Variants in USP33 observed in about 807,000 individuals in gnomAD.
USP33 encodes the protein ubiquitin specific peptidase 33, also known as ubiquitin carboxyl-terminal hydrolase 33.
Under a neutral mutation model 124.2 loss-of-function variants are expected in USP33, and 46 were observed. The observed-to-expected ratio is 0.37, with a 90% CI of 0.29 to 0.47. USP33 has a LOEUF of 0.47. Ranked by LOEUF, USP33 falls within the 20% of genes least tolerant of loss-of-function variation. The pLI is 0.99. For missense variants in USP33, 851 were observed against 1,070.6 expected (o/e 0.79, Z 2.86); for synonymous variants, 350 against 352.3 (o/e 0.99, Z 0.07).
chr1:77,699,481 C>T lies in USP33; in HGVS notation c.2510-1550G>A, dbSNP rs892965918. Among the ~76,000 whole-genome samples, 5 of 152,152 alleles carry T rather than the reference C, an allele frequency of 3.3e-5. No homozygotes were observed. In the East Asian group the frequency reaches 9.6e-4, roughly 29 times the overall value. On this transcript the variant is annotated intron_variant, in intron 22 of 23. Transcript: ENST00000370794. ...GCAATGAGCTGAGATCACGCCACTC[C>T]ACTCCAGCCTGAGTGACAAAGTGAG...
At chr1:77,713,088 A>C in intron 20 of USP33, 112 bp downstream of exon 20, 1 of 815,642 alleles carries the variant, frequency 1.2e-6, no homozygotes, top group Non-Finnish European at 1.9e-6. Context: ...TGAATAAGTA[A>C]GGGAAAAGAA....
rs771069637 is a variant in USP33, at chr1:77,741,337, T to C, written c.135+39A>G. ...TGATTATTCAGATCCAAATTTATTATTATTATAGCAATCTTTTCAGGAAAA... is the reference window on the plus strand; with the variant it reads ...TGATTATTCAGATCCAAATTTATTACTATTATAGCAATCTTTTCAGGAAAA... On this transcript the variant is annotated intron_variant, in intron 3 of 23. Transcript: ENST00000370794. 10 of 1,553,906 alleles carry C rather than the reference T, an allele frequency of 6.4e-6. No individual in the cohort carries two copies. In the East Asian group the frequency reaches 1.6e-4, roughly 25 times the overall value.
intron 20 of USP33, 71 bp downstream of exon 20, chr1:77,713,129 A>G: frequency 7.9e-7 from 1 of 1,267,702 alleles, no homozygotes; most frequent in Non-Finnish European, 1.1e-6. Context: ...CATCTCTGAA[A>G]TAATCCAAAC....
chr1:77,757,369 G>C (rs1459635471), intron 1 of USP33, among the ~76,000 whole-genome samples: 4 of 152,154 alleles, frequency 2.6e-5, no homozygotes, highest in Non-Finnish European at 4.4e-5. Context: ...CTGAACATTT[G>C]ACAGCATGAT....
chr1:77,707,590 G>A (rs1674769168), intron 21 of USP33, among the ~76,000 whole-genome samples: 1 of 152,018 alleles, frequency 6.6e-6, no homozygotes, highest in South Asian at 2.1e-4. Flanking sequence ...ACCCACTATA[G>A]GCACCATTTA....
At chr1:77,713,403 G>A in intron 19 of USP33, 122 bp from the exon 20 acceptor site, 1 of 811,644 alleles carries the variant, frequency 1.2e-6, no homozygotes. Flanking sequence ...TTTTTAAGTG[G>A]AAGGGTCTTG....
At chr1:77,746,690 T>C (rs1679776710) in intron 1 of USP33, 1 of 152,222 alleles carries the variant, frequency 6.6e-6, no homozygotes, top group African/African-American at 2.4e-5. Context: ...CACGATCAAG[T>C]TGGCTTCATC....
intron 21 of USP33, among the ~76,000 whole-genome samples, chr1:77,710,588 T>C (rs1675132519): frequency 6.6e-6 from 1 of 152,164 alleles, no homozygotes; most frequent in South Asian, 2.1e-4. Flanking sequence ...TTATGTAAAA[T>C]TTACTTTACT....
At chr1:77,741,890 A>G in intron 1 of USP33, 142 bp from the exon 2 acceptor site, 1 of 801,600 alleles carries the variant, frequency 1.2e-6, no homozygotes. Context: ...TTGCCCTGTA[A>G]AAAGAGTGTA....
chr1:77,754,449 A>G (rs1291064481), intron 1 of USP33, among the ~76,000 whole-genome samples: 1 of 152,218 alleles, frequency 6.6e-6, no homozygotes. Context: ...AACAAGCAGA[A>G]AAGTTTATTT....
chr1:77,756,793 C>T (rs977034312), intron 1 of USP33, among the ~76,000 whole-genome samples: 1 of 152,202 alleles, frequency 6.6e-6, no homozygotes, highest in Non-Finnish European at 1.5e-5. Context: ...CATGTCATCT[C>T]AGGTCCAAGT....
chr1:77,703,366 G>A (rs533063428), intron 21 of USP33, among the ~76,000 whole-genome samples: 1 of 151,982 alleles, frequency 6.6e-6, no homozygotes, highest in East Asian at 2.0e-4. Context: ...AGTGGCTCAC[G>A]CCTGTAATCC....
chr1:77,721,181 T>G lies in USP33; in HGVS notation c.1682A>C (p.Lys561Thr), dbSNP rs1194250764. The G allele has an allele frequency of 6.2e-7, 1 of 1,613,676 alleles. No individual in the cohort carries two copies. Residue 561 changes from lysine to threonine, a missense_variant, in exon 15 of 24, where the codon AAA (lysine) becomes ACA (threonine). By Grantham distance (78) the Lys-to-Thr change is moderately conservative. Coordinates refer to ENST00000370794, the MANE Select transcript of USP33 (RefSeq NM_201624.3). ...LKGDNMYSCE[K>T]CKKLRNGVKF... ...TGTCAATGTCACTTACTTTTTGCAT[T>G]TTTCACAACTGTACATATTGTCACC...
intron 1 of USP33, among the ~76,000 whole-genome samples, chr1:77,758,422 C>T (rs190638084): frequency 1.3e-3 from 191 of 152,170 alleles, no homozygotes; most frequent in African/African-American, 4.5e-3. Context: ...ACCTCGTGAT[C>T]GTCGGCCTCC....
At chr1:77,751,940 G>A (rs1411015355) in intron 1 of USP33, among the ~76,000 whole-genome samples, 2 of 151,852 alleles carry the variant, frequency 1.3e-5, no homozygotes, top group East Asian at 3.9e-4. Flanking sequence ...CGCCCACCTC[G>A]GCCTCCCAAA....
At chr1:77,738,721 C>T (rs1678770691) in intron 5 of USP33, among the ~76,000 whole-genome samples, 1 of 152,166 alleles carries the variant, frequency 6.6e-6, no homozygotes, top group Admixed American at 6.5e-5. Flanking sequence ...ACCTCGTGAT[C>T]CAGCCGCCTT....
intron 1 of USP33, among the ~76,000 whole-genome samples, chr1:77,754,214 T>C (rs1045885989): frequency 7.9e-5 from 12 of 152,192 alleles, no homozygotes; most frequent in Admixed American, 2.0e-4. Context: ...GATTCTATGA[T>C]TATAAAAAAA....
chr1:77,707,484 T>G (rs1378891243), intron 21 of USP33, among the ~76,000 whole-genome samples: 2 of 152,210 alleles, frequency 1.3e-5, no homozygotes, highest in African/African-American at 4.8e-5. Flanking sequence ...TCCTTACATA[T>G]GCAAATACCC....
At position 77,713,386 on chromosome 1, in the gene USP33, CATT is replaced by C. The variant is rs1044859676; in HGVS notation, c.2216-108_2216-106del. On this transcript the variant is annotated intron_variant, in intron 19 of 23. Coordinates refer to ENST00000370794, the MANE Select transcript of USP33 (RefSeq NM_201624.3). ...AGTAACTAAATGACAGATCAATCAT[CATT>C]GTTTTTTTAAGTGGAAGGGTCTTGT... 53 of 969,266 alleles carry C rather than the reference CATT, an allele frequency of 5.5e-5. No individual in the cohort carries two copies. The African/African-American group carries it at 6.7e-4, about 12-fold the overall frequency. 60.0% of individuals were successfully genotyped at this position (969,266 alleles called of 1,614,324 possible). A position where few individuals can be genotyped will look rare whatever the true frequency, so the allele number is the denominator to read the frequency against.
Sources: allele counts gnomAD v4.1 joint callset (sites outside exome capture counted in the v4.1 genomes callset), GRCh38; gene constraint gnomAD v4.1.1; transcripts MANE v1.5; gene names NCBI Gene and HGNC (gene_info 2026-07-23, HGNC 2026-07-21).